SNX10: variants seen among roughly 807,000 people sequenced by gnomAD.
The protein encoded by SNX10 is sorting nexin-10.
In SNX10, 25 loss-of-function variants were observed where a neutral mutation model predicts 28.5. The ratio of observed to expected loss-of-function variants is 0.88; its 90% CI spans 0.64 to 1.22. The LOEUF is 1.22. SNX10 is among the 50% of genes most tolerant of loss of function. The probability of loss-of-function intolerance (pLI) is 0.00; values close to 1 mark genes in which losing one functional copy is unlikely to be tolerated. For missense variants in SNX10, 223 were observed against 242.6 expected (o/e 0.92, Z 0.54); for synonymous variants, 62 against 81.4 (o/e 0.76, Z 1.28).
intron 2 of SNX10, among the ~76,000 whole-genome samples, chr7:26,352,163 T>A: frequency 6.6e-6 from 1 of 152,158 alleles, no homozygotes; most frequent in Non-Finnish European, 1.5e-5. Flanking sequence ...CAAATATCAT[T>A]GACATATATA....
chr7:26,348,691 TCTCTAGCA>T (rs1486055671), intron 2 of SNX10, among the ~76,000 whole-genome samples: 2 of 152,214 alleles, frequency 1.3e-5, no homozygotes, highest in Non-Finnish European at 2.9e-5. Flanking sequence ...CTGCACGTGG[TCTCTAGCA>T]CTCTGCAGGA....
At chr7:26,331,572 C>G (rs1295851136) in intron 1 of SNX10, among the ~76,000 whole-genome samples, 2 of 152,150 alleles carry the variant, frequency 1.3e-5, no homozygotes, top group East Asian at 3.8e-4. Context: ...GGTGACAAAG[C>G]TAGACCCTGT....
intron 2 of SNX10, among the ~76,000 whole-genome samples, chr7:26,347,023 G>A (rs1788416391): frequency 6.6e-6 from 1 of 152,178 alleles, no homozygotes; most frequent in South Asian, 2.1e-4. Context: ...TTGGCAGTAC[G>A]CATTGCCCTG....
chr7:26,296,455 G>A lies in SNX10; in HGVS notation c.-24+4369G>A, dbSNP rs544004763. On this transcript the variant is annotated intron_variant, in intron 1 of 6. Coordinates refer to ENST00000338523, the MANE Select transcript of SNX10 (RefSeq NM_013322.3). ...CACTTGGGCCTAGGAGCTGGAGGCT[G>A]CAGTGAGCCATGATCTCACCACTAT... 7.2e-5 allele frequency among the ~76,000 whole-genome samples: 11 copies of A among 152,292 alleles called. No individual in the cohort carries two copies. In the South Asian group the frequency reaches 2.1e-3, roughly 29 times the overall value.
rs113580364 is a variant in SNX10 at position 26,305,317 on chromosome 7, C to T, written c.-24+13231C>T. ...CAAGTCAAAGTACAGGGCAGAACAACGGGCTTTATATGTAGGGAACCAACA... is the reference window on the plus strand; with the variant it reads ...CAAGTCAAAGTACAGGGCAGAACAATGGGCTTTATATGTAGGGAACCAACA... On this transcript the variant is annotated intron_variant, in intron 1 of 6. Coordinates refer to ENST00000338523, the MANE Select transcript of SNX10 (RefSeq NM_013322.3). 7.9e-5 allele frequency among the ~76,000 whole-genome samples: 12 copies of T among 152,324 alleles called. 1 individual carries two copies. Among genetic ancestry groups the T allele is most frequent in the East Asian group, 1.9e-4 (1 of 5,188 alleles).
At chr7:26,357,507 T>G (rs1251032328) in intron 2 of SNX10, among the ~76,000 whole-genome samples, 1 of 152,010 alleles carries the variant, frequency 6.6e-6, no homozygotes, top group Non-Finnish European at 1.5e-5. Flanking sequence ...AGTTTGAACT[T>G]GAAGGTTATG....
intron 1 of SNX10, among the ~76,000 whole-genome samples, chr7:26,293,431 C>T (rs1028350528): frequency 1.3e-5 from 2 of 152,036 alleles, no homozygotes; most frequent in African/African-American, 4.8e-5. Context: ...GTCTGGAAGT[C>T]CTGAGCTCAA....
chr7:26,313,310 C>T (rs992692104), intron 1 of SNX10, among the ~76,000 whole-genome samples: 7 of 152,290 alleles, frequency 4.6e-5, no homozygotes, highest in Non-Finnish European at 7.3e-5. Context: ...TAGCCATAGG[C>T]GCAATGTTGT....
intron 1 of SNX10, among the ~76,000 whole-genome samples, chr7:26,329,261 T>C (rs1042481054): frequency 3.9e-5 from 6 of 152,246 alleles, no homozygotes; most frequent in Non-Finnish European, 5.9e-5. Flanking sequence ...TCTCCAGATA[T>C]ACCAGGCTCT....
intron 1 of SNX10, among the ~76,000 whole-genome samples, chr7:26,337,498 A>C (rs1787986746): frequency 6.6e-6 from 1 of 152,200 alleles, no homozygotes; most frequent in African/African-American, 2.4e-5. Flanking sequence ...GGCAACCACC[A>C]TTCTACTTTG....
chr7:26,302,453 G>C (rs1786408931), intron 1 of SNX10, among the ~76,000 whole-genome samples: 1 of 146,696 alleles, frequency 6.8e-6, no homozygotes, highest in African/African-American at 2.4e-5. Context: ...CCTCAGCACT[G>C]TGTTTCCATT....
At chr7:26,335,824 A>G (rs1369148670) in intron 1 of SNX10, among the ~76,000 whole-genome samples, 2 of 140,282 alleles carry the variant, frequency 1.4e-5, no homozygotes, top group African/African-American at 5.4e-5. Flanking sequence ...GCTCACTGCA[A>G]GCTCCGCCTT....
At chr7:26,316,542 G>C (rs958709662) in intron 1 of SNX10, among the ~76,000 whole-genome samples, 1 of 152,180 alleles carries the variant, frequency 6.6e-6, no homozygotes, top group Non-Finnish European at 1.5e-5. Context: ...TTGGTTTTAA[G>C]CCTAATAATA....
chr7:26,353,469 G>A (rs1388842341), intron 2 of SNX10, among the ~76,000 whole-genome samples: 3 of 124,740 alleles, frequency 2.4e-5, no homozygotes, highest in Non-Finnish European at 3.4e-5. Flanking sequence ...TTGGTGGGGA[G>A]ACAGAGTCTT....
At chr7:26,298,827 C>T (rs914088099) in intron 1 of SNX10, among the ~76,000 whole-genome samples, 2 of 152,224 alleles carry the variant, frequency 1.3e-5, no homozygotes, top group East Asian at 1.9e-4. Flanking sequence ...CGCCTTCGTG[C>T]TGCGTCCTCA....
At chr7:26,296,782 G>A (rs144468842) in intron 1 of SNX10, among the ~76,000 whole-genome samples, 1 of 152,236 alleles carries the variant, frequency 6.6e-6, no homozygotes, top group African/African-American at 2.4e-5. Context: ...GGAGGCTGAA[G>A]CTGAGGATTG....
chr7:26,361,089 A>G, intron 3 of SNX10, 28 bp downstream of exon 3: 1 of 1,561,752 alleles, frequency 6.4e-7, no homozygotes, highest in Non-Finnish European at 8.7e-7. Flanking sequence ...AGAAATAGTA[A>G]TTTTGAGGGA....
chr7:26,335,229 A>G (rs1787879120), intron 1 of SNX10, among the ~76,000 whole-genome samples: 1 of 152,084 alleles, frequency 6.6e-6, no homozygotes. Flanking sequence ...AGTGTCTTTT[A>G]TCTACATCAT....
intron 1 of SNX10, among the ~76,000 whole-genome samples, chr7:26,321,995 T>A (rs1251883475): frequency 6.6e-6 from 1 of 152,152 alleles, no homozygotes; most frequent in African/African-American, 2.4e-5. Flanking sequence ...CACTCTCCCA[T>A]GCCTTTATTC....
Sources: allele counts gnomAD v4.1 joint callset (sites outside exome capture counted in the v4.1 genomes callset), GRCh38; gene constraint gnomAD v4.1.1; transcripts MANE v1.5; gene names NCBI Gene and HGNC (gene_info 2026-07-23, HGNC 2026-07-21).